Variants in KCND2 observed in about 807,000 individuals in gnomAD.
KCND2 encodes A-type voltage-gated potassium channel KCND2.
KCND2 carries 16 observed loss-of-function variants against 54.4 expected under a neutral mutation model. The ratio of observed to expected loss-of-function variants is 0.29; its 90% CI spans 0.20 to 0.45. The LOEUF (loss-of-function observed/expected upper bound fraction) is 0.45. Among genes scored for constraint, KCND2 ranks in the 20% least tolerant of loss-of-function variants. The pLI, the probability that KCND2 is intolerant of heterozygous loss-of-function variation, is 1.00. For missense variants in KCND2, 486 were observed against 824.2 expected (o/e 0.59, Z 5.02); for synonymous variants, 317 against 310.7 (o/e 1.02, Z -0.21).
At chr7:120,430,627 G>A (rs1201552452) in intron 1 of KCND2, among the ~76,000 whole-genome samples, 1 of 151,836 alleles carries the variant, frequency 6.6e-6, no homozygotes, top group Non-Finnish European at 1.5e-5. Flanking sequence ...TTCAATTTTG[G>A]TATAGTATCA....
intron 1 of KCND2, among the ~76,000 whole-genome samples, chr7:120,580,477 A>C (rs1042392140): frequency 1.3e-5 from 2 of 152,152 alleles, no homozygotes; most frequent in Non-Finnish European, 2.9e-5. Context: ...GACAGGCCGG[A>C]AACTTGAAAA....
intron 1 of KCND2, among the ~76,000 whole-genome samples, chr7:120,505,585 A>G (rs1430291708): frequency 1.3e-5 from 2 of 151,786 alleles, no homozygotes; most frequent in Non-Finnish European, 2.9e-5. Context: ...TGAAAATGCT[A>G]AGTTTCAGGG....
At chr7:120,544,116 C>G (rs749005962) in intron 1 of KCND2, among the ~76,000 whole-genome samples, 33 of 151,882 alleles carry the variant, frequency 2.2e-4, no homozygotes, top group South Asian at 4.1e-4. Context: ...GTTTATTCCT[C>G]TCTGAACAGG....
At chr7:120,740,899 TTTTG>T (rs1562925229) in intron 2 of KCND2, 1 of 437,826 alleles carries the variant, frequency 2.3e-6, no homozygotes, top group Non-Finnish European at 4.5e-6. Context: ...TCACAGTTGT[TTTTG>T]TTTATTTGTT....
At chr7:120,715,531 AAAACAAAATC>A (rs1562918306) in intron 1 of KCND2, among the ~76,000 whole-genome samples, 1 of 152,094 alleles carries the variant, frequency 6.6e-6, no homozygotes, top group Admixed American at 6.6e-5. Context: ...AAACACAGCT[AAAACAAAATC>A]ATTACATTTA....
chr7:120,680,525 T>G (rs763974440), intron 1 of KCND2, among the ~76,000 whole-genome samples: 57 of 152,270 alleles, frequency 3.7e-4, no homozygotes, highest in Non-Finnish European at 4.9e-4. Context: ...GGATAACATA[T>G]GCTAATGCCA....
At chr7:120,742,712 A>G in intron 4 of KCND2, 110 bp downstream of exon 4, 3 of 856,502 alleles carry the variant, frequency 3.5e-6, no homozygotes, top group Non-Finnish European at 5.9e-6. Context: ...TTACTGGAAA[A>G]CATGCTAAAA....
At chr7:120,481,895 C>G (rs1357610879) in intron 1 of KCND2, among the ~76,000 whole-genome samples, 1 of 152,148 alleles carries the variant, frequency 6.6e-6, no homozygotes, top group Non-Finnish European at 1.5e-5. Context: ...TAGGAAGAAA[C>G]CTGCTACAAT....
intron 1 of KCND2, among the ~76,000 whole-genome samples, chr7:120,374,651 T>C (rs1316848949): frequency 6.6e-6 from 1 of 151,836 alleles, no homozygotes; most frequent in Non-Finnish European, 1.5e-5. Context: ...ATTTAGACTG[T>C]TTAATGGGCA....
At chr7:120,313,854 T>G (rs1799775122) in intron 1 of KCND2, among the ~76,000 whole-genome samples, 1 of 151,050 alleles carries the variant, frequency 6.6e-6, no homozygotes, top group Non-Finnish European at 1.5e-5. Flanking sequence ...AGTTTATACA[T>G]CCCTGTCCAG....
At chr7:120,319,918 A>C (rs1353664737) in intron 1 of KCND2, among the ~76,000 whole-genome samples, 1 of 152,054 alleles carries the variant, frequency 6.6e-6, no homozygotes, top group Non-Finnish European at 1.5e-5. Flanking sequence ...GTTCTTCTTT[A>C]ACATGCAGAG....
intron 1 of KCND2, among the ~76,000 whole-genome samples, chr7:120,315,765 AGTGTGTGTGTGT>A (rs59537613): frequency 0.58 from 80,213 of 137,478 alleles, 24,287 homozygotes; most frequent in South Asian, 0.77. Flanking sequence ...TTCCATAAGC[AGTGTGTGTGTGT>A]GTGTGTGTGT....
rs538100035 is a variant in KCND2 at position 120,578,067 on chromosome 7, A to G, written c.1116-154836A>G. Among the ~76,000 whole-genome samples, 150 of 150,988 alleles carry G rather than the reference A, an allele frequency of 9.9e-4. 2 individuals carry two copies. In the Middle Eastern group the frequency reaches 0.014, roughly 14 times the overall value. On this transcript the variant is annotated intron_variant, in intron 1 of 5. Transcript: ENST00000331113. ...GGAGAAGAAGAAGAAGAAGAAGAAC[A>G]AGAAGGAGAAGGAGAAGGAGAAGGA...
chr7:120,507,167 G>T (rs893972558), intron 1 of KCND2, among the ~76,000 whole-genome samples: 1 of 151,842 alleles, frequency 6.6e-6, no homozygotes, highest in African/African-American at 2.4e-5. Flanking sequence ...ACATTTTAAG[G>T]AAAGAGAGTT....
intron 1 of KCND2, among the ~76,000 whole-genome samples, chr7:120,440,820 C>T (rs1472148443): frequency 2.0e-5 from 3 of 152,004 alleles, no homozygotes; most frequent in Non-Finnish European, 2.9e-5. Flanking sequence ...GAAGATATCT[C>T]CTATTATTTT....
intron 1 of KCND2, among the ~76,000 whole-genome samples, chr7:120,425,989 AG>A (rs1425238144): frequency 1.3e-5 from 2 of 151,902 alleles, no homozygotes; most frequent in Non-Finnish European, 2.9e-5. Context: ...TTAGAAGTAA[AG>A]GAATATTACA....
At chr7:120,663,678 A>G (rs1791892831) in intron 1 of KCND2, among the ~76,000 whole-genome samples, 1 of 152,202 alleles carries the variant, frequency 6.6e-6, no homozygotes. Context: ...GTGCTTACAT[A>G]CAGATGATTA....
intron 1 of KCND2, among the ~76,000 whole-genome samples, chr7:120,713,314 C>T (rs1452834122): frequency 1.3e-5 from 2 of 152,078 alleles, no homozygotes; most frequent in African/African-American, 2.4e-5. Flanking sequence ...ATCTCCATCA[C>T]GAACTGGGAA....
intron 1 of KCND2, among the ~76,000 whole-genome samples, chr7:120,647,450 TTG>T (rs1793456398): frequency 6.6e-6 from 1 of 152,196 alleles, no homozygotes; most frequent in African/African-American, 2.4e-5. Context: ...ACTGTTTCTT[TTG>T]TGTGTCTTAC....
Sources: gnomAD v4.1 joint callset for allele counts (sites outside exome capture counted in the v4.1 genomes callset) on GRCh38, gnomAD v4.1.1 for gene constraint, MANE v1.5 for transcripts, NCBI Gene and HGNC (gene_info 2026-07-23, HGNC 2026-07-21) for gene names.